PTPRR: variants seen among roughly 807,000 people sequenced by gnomAD.
PTPRR encodes the protein protein tyrosine phosphatase receptor type R.
In PTPRR, 38 loss-of-function variants were observed where a neutral mutation model predicts 77.2. The ratio of observed to expected loss-of-function variants is 0.49; its 90% CI spans 0.38 to 0.65. The LOEUF (loss-of-function observed/expected upper bound fraction) is 0.65, where lower values mean the gene tolerates loss of function less well. Among genes scored for constraint, PTPRR ranks in the 30% least tolerant of loss-of-function variants. The pLI is 0.00. For missense variants in PTPRR, 744 were observed against 799.2 expected (o/e 0.93, Z 0.83); for synonymous variants, 299 against 283.1 (o/e 1.06, Z -0.57).
At chr12:70,717,715 C>G (rs1469986387) in intron 6 of PTPRR, among the ~76,000 whole-genome samples, 1 of 152,146 alleles carries the variant, frequency 6.6e-6, no homozygotes, top group Non-Finnish European at 1.5e-5. Context: ...CAAGATGGAA[C>G]ACAATTGACC....
chr12:70,711,872 C>G (rs1436568302), intron 6 of PTPRR, among the ~76,000 whole-genome samples: 2 of 152,114 alleles, frequency 1.3e-5, no homozygotes, highest in Non-Finnish European at 2.9e-5. Flanking sequence ...AAAATGAACT[C>G]TCAATCAAAA....
At chr12:70,876,899 G>T (rs1374364910) in intron 2 of PTPRR, among the ~76,000 whole-genome samples, 2 of 152,192 alleles carry the variant, frequency 1.3e-5, no homozygotes, top group Admixed American at 1.3e-4. Flanking sequence ...TATGGCAAGT[G>T]TTGGGTAGCA....
intron 2 of PTPRR, among the ~76,000 whole-genome samples, chr12:70,833,444 G>A (rs934656002): frequency 6.6e-6 from 1 of 152,120 alleles, no homozygotes; most frequent in Non-Finnish European, 1.5e-5. Context: ...AGGTGGGCTG[G>A]AGAAAAGTTG....
At chr12:70,816,295 A>G (rs560891679) in intron 2 of PTPRR, among the ~76,000 whole-genome samples, 1 of 152,244 alleles carries the variant, frequency 6.6e-6, no homozygotes, top group Admixed American at 6.5e-5. Flanking sequence ...AAATATGAAA[A>G]TGAATGCACA....
intron 6 of PTPRR, among the ~76,000 whole-genome samples, chr12:70,710,168 T>G (rs1888772525): frequency 6.6e-6 from 1 of 152,130 alleles, no homozygotes; most frequent in African/African-American, 2.4e-5. Context: ...AGGGCTACAG[T>G]AACCAAAACA....
intron 10 of PTPRR, among the ~76,000 whole-genome samples, chr12:70,671,650 A>G (rs1043793043): frequency 1.3e-5 from 2 of 152,250 alleles, no homozygotes; most frequent in Non-Finnish European, 1.5e-5. Flanking sequence ...AATGGTAACA[A>G]CAGGTTATCT....
chr12:70,900,757 T>C (rs1223422705), intron 1 of PTPRR, among the ~76,000 whole-genome samples: 1 of 151,534 alleles, frequency 6.6e-6, no homozygotes, highest in African/African-American at 2.4e-5. Context: ...AAATTTCCAA[T>C]AGGTAAATGA....
intron 8 of PTPRR, among the ~76,000 whole-genome samples, chr12:70,690,940 C>T (rs1438318143): frequency 6.6e-6 from 1 of 152,118 alleles, no homozygotes; most frequent in African/African-American, 2.4e-5. Context: ...GGATTTTTCA[C>T]CATCTTTATA....
chr12:70,886,579 C>G (rs1893243676), intron 2 of PTPRR, among the ~76,000 whole-genome samples: 1 of 152,090 alleles, frequency 6.6e-6, no homozygotes, highest in Non-Finnish European at 1.5e-5. Flanking sequence ...TATTCATTGA[C>G]TAGCTATTTT....
At chr12:70,891,758 A>G (rs1486324561) in intron 2 of PTPRR, among the ~76,000 whole-genome samples, 1 of 152,132 alleles carries the variant, frequency 6.6e-6, no homozygotes, top group East Asian at 1.9e-4. Flanking sequence ...TACTATATGT[A>G]GTAGGTTAAA....
intron 2 of PTPRR, among the ~76,000 whole-genome samples, chr12:70,770,189 C>T (rs1239663763): frequency 1.3e-5 from 2 of 148,242 alleles, no homozygotes; most frequent in Non-Finnish European, 3.0e-5. Flanking sequence ...AGCTTCTGCA[C>T]AGCAAAAGAA....
intron 10 of PTPRR, chr12:70,673,031 C>CAAAA (rs1229938892): frequency 1.5e-3 from 669 of 457,104 alleles, no homozygotes; most frequent in East Asian, 9.3e-3. Context: ...CGGGCCAAAG[C>CAAAA]AAAAAAAAAA....
At chr12:70,820,334 T>G (rs1453636384) in intron 2 of PTPRR, among the ~76,000 whole-genome samples, 1 of 152,172 alleles carries the variant, frequency 6.6e-6, no homozygotes, top group Non-Finnish European at 1.5e-5. Flanking sequence ...TTTTTTCTTT[T>G]TTCTTTTTTT....
chr12:70,666,812 C>G (rs949242728), intron 10 of PTPRR, among the ~76,000 whole-genome samples: 1 of 152,054 alleles, frequency 6.6e-6, no homozygotes, highest in Non-Finnish European at 1.5e-5. Flanking sequence ...GACCAACACT[C>G]ATAAGACTGA....
chr12:70,766,339 G>A (rs529989945), intron 2 of PTPRR, among the ~76,000 whole-genome samples: 9,521 of 152,112 alleles, frequency 0.063, 382 homozygotes, highest in African/African-American at 0.11. Context: ...GGAGCTGAAA[G>A]CCAAGGCTTG....
intron 2 of PTPRR, among the ~76,000 whole-genome samples, chr12:70,779,799 A>G (rs1891165185): frequency 6.6e-6 from 1 of 152,192 alleles, no homozygotes; most frequent in African/African-American, 2.4e-5. Flanking sequence ...GGAAAGGGTA[A>G]CAAACCCAGG....
At chr12:70,808,271 C>A (rs950256657) in intron 2 of PTPRR, among the ~76,000 whole-genome samples, 1 of 152,072 alleles carries the variant, frequency 6.6e-6, no homozygotes, top group Non-Finnish European at 1.5e-5. Flanking sequence ...AATGACAATG[C>A]GTGCACAGTG....
chr12:70,896,704 G>A (rs1423172682), intron 1 of PTPRR, among the ~76,000 whole-genome samples: 3 of 151,762 alleles, frequency 2.0e-5, no homozygotes, highest in Admixed American at 6.6e-5. Context: ...TATCCTGAAT[G>A]GTATTGCCTA....
intron 6 of PTPRR, among the ~76,000 whole-genome samples, chr12:70,736,284 A>G (rs753208971): frequency 1.3e-5 from 2 of 152,174 alleles, no homozygotes; most frequent in Non-Finnish European, 2.9e-5. Flanking sequence ...CTTGATTTAA[A>G]ATCTGAAAAA....
Sources: allele counts gnomAD v4.1 joint callset (sites outside exome capture counted in the v4.1 genomes callset), GRCh38; gene constraint gnomAD v4.1.1; transcripts MANE v1.5; gene names NCBI Gene and HGNC (gene_info 2026-07-23, HGNC 2026-07-21).